The following SERPINC1 variants were observed in gnomAD, a reference collection of about 807,000 sequenced individuals.
The protein encoded by SERPINC1 is antithrombin-III.
SERPINC1 carries 12 observed loss-of-function variants against 43.4 expected under a neutral mutation model. The ratio of observed to expected loss-of-function variants is 0.28; its 90% CI spans 0.18 to 0.45. SERPINC1 has a LOEUF of 0.45. SERPINC1 is among the 20% of genes least tolerant of loss of function. The probability of loss-of-function intolerance (pLI) is 1.00; values close to 1 mark genes in which losing one functional copy is unlikely to be tolerated. For missense variants in SERPINC1, 423 were observed against 578.8 expected (o/e 0.73, Z 2.76); for synonymous variants, 210 against 218.9 (o/e 0.96, Z 0.36).
chr1:173,915,250 G>A (rs1657939378), intron 1 of SERPINC1: 9 of 1,140,948 alleles, frequency 7.9e-6, no homozygotes, highest in South Asian at 3.7e-5. Flanking sequence ...CTAAAAAATC[G>A]GCTTTAGTGC....
intron 6 of SERPINC1, 128 bp downstream of exon 6, chr1:173,907,322 G>T: frequency 1.3e-6 from 1 of 769,018 alleles, no homozygotes; most frequent in Non-Finnish European, 2.4e-6. Flanking sequence ...TTTGGAGAGG[G>T]CTGTATTATA....
chr1:173,905,725 A>C (rs1248099992), intron 6 of SERPINC1, among the ~76,000 whole-genome samples: 1 of 91,262 alleles, frequency 1.1e-5, no homozygotes, highest in African/African-American at 1.3e-4. Flanking sequence ...CATTTCAATG[A>C]AAAAAAAAAA....
chr1:173,915,403 C>T (rs764245853), intron 1 of SERPINC1, among the ~76,000 whole-genome samples: 7 of 152,042 alleles, frequency 4.6e-5, no homozygotes, highest in African/African-American at 7.2e-5. Context: ...TGGCCGGGTG[C>T]GGTGGCTCAC....
In SERPINC1 at chr1:173,909,589, A is replaced by G; in HGVS notation, c.1116T>C (p.Leu372=). ...SLKEQLQDMG[L]VDLFSPEKSK... ...ACTTTTCAGGGCTGAACAGATCGAC[A>G]AGGCCCATGTCTTGCAGCTGCTCCT... The change falls in exon 5 of 7, where the codon CTT becomes CTC. Residue 372 remains leucine (L), a synonymous_variant. Coordinates refer to ENST00000367698, the MANE Select transcript of SERPINC1 (RefSeq NM_000488.4). The G allele has an allele frequency of 3.1e-6, 5 of 1,614,040 alleles. No homozygotes were observed. The highest frequency in any genetic ancestry group is 2.5e-6 in the Non-Finnish European group (3 of 1,180,038).
intron 5 of SERPINC1, 61 bp downstream of exon 5, chr1:173,909,491 T>C: frequency 6.4e-7 from 1 of 1,567,800 alleles, no homozygotes. Flanking sequence ...CTCCAACTCT[T>C]CCACTTTTGG....
intron 5 of SERPINC1, among the ~76,000 whole-genome samples, chr1:173,907,917 G>T (rs182885119): frequency 2.6e-4 from 40 of 151,322 alleles, no homozygotes; most frequent in African/African-American, 8.5e-4. Context: ...GGAGGTGGAG[G>T]TTGCAGTGAG....
intron 6 of SERPINC1, among the ~76,000 whole-genome samples, 198 bp downstream of exon 6, chr1:173,907,252 G>A (rs537008679): frequency 1.2e-4 from 18 of 152,008 alleles, no homozygotes; most frequent in Non-Finnish European, 2.4e-4. Flanking sequence ...TTGTGTTCCC[G>A]CTTGACCTGC....
At chr1:173,913,585 G>C (rs777226568) in intron 2 of SERPINC1, among the ~76,000 whole-genome samples, 1 of 152,146 alleles carries the variant, frequency 6.6e-6, no homozygotes. Context: ...GGCCAGGCGC[G>C]GTGGCTTACG....
intron 2 of SERPINC1, among the ~76,000 whole-genome samples, chr1:173,913,414 C>T (rs1657852555): frequency 6.6e-6 from 1 of 152,218 alleles, no homozygotes; most frequent in South Asian, 2.1e-4. Context: ...ATCCATACTT[C>T]CCAGAGCCAG....
chr1:173,916,229 G>A (rs1408812509), intron 1 of SERPINC1, among the ~76,000 whole-genome samples: 2 of 152,204 alleles, frequency 1.3e-5, no homozygotes, highest in African/African-American at 4.8e-5. Flanking sequence ...GTGGGGCAGG[G>A]GCTGCCTCCA....
In SERPINC1 at chr1:173,903,872, C is replaced by G. The variant is rs766334816; in HGVS notation, c.*17G>C. On this transcript the variant is annotated 3_prime_UTR_variant, in exon 7 of 7. Transcript: ENST00000367698. ...CACAAACCAAAAATAGGAAGAGGTGCAAAGAATAAGAACATTTTACTTAAC... is the reference window on the plus strand; with the variant it reads ...CACAAACCAAAAATAGGAAGAGGTGGAAAGAATAAGAACATTTTACTTAAC... The G allele has an allele frequency of 3.1e-6, 5 of 1,611,848 alleles. No homozygotes were observed. Among genetic ancestry groups the G allele is most frequent in the Non-Finnish European group, 4.2e-6 (5 of 1,178,228 alleles).
chr1:173,912,256 T>C (rs531051269), intron 2 of SERPINC1, among the ~76,000 whole-genome samples: 21 of 152,248 alleles, frequency 1.4e-4, no homozygotes, highest in African/African-American at 5.1e-4. Context: ...CTAAAGTCTC[T>C]AAACGCCTCT....
intron 1 of SERPINC1, among the ~76,000 whole-genome samples, chr1:173,915,484 T>C (rs1233791256): frequency 1.3e-5 from 2 of 152,184 alleles, no homozygotes; most frequent in Admixed American, 6.5e-5. Context: ...GAGATCAGCC[T>C]GGACAACATG....
intron 6 of SERPINC1, among the ~76,000 whole-genome samples, chr1:173,905,050 A>G (rs1035358237): frequency 6.6e-6 from 1 of 152,056 alleles, no homozygotes; most frequent in African/African-American, 2.4e-5. Flanking sequence ...ATGAATCCAG[A>G]CCTCTGCTTC....
chr1:173,912,784 C>T (rs1290536867), intron 2 of SERPINC1, among the ~76,000 whole-genome samples: 3 of 152,084 alleles, frequency 2.0e-5, no homozygotes, highest in South Asian at 2.1e-4. Flanking sequence ...CAACACATGG[C>T]GTTTGTGTAG....
intron 5 of SERPINC1, among the ~76,000 whole-genome samples, chr1:173,908,681 C>T: frequency 6.6e-6 from 1 of 152,010 alleles, no homozygotes. Context: ...CCAGCTCTGC[C>T]TCCCAAGAAG....
Position 173,907,488 on chromosome 1 carries a change from G to T in SERPINC1, c.1180C>A (p.Leu394Ile). 1.2e-6 allele frequency: 2 copies of T among 1,613,924 alleles called. No individual in the cohort carries two copies. The highest frequency in any genetic ancestry group is 2.2e-5 in the South Asian group (2 of 91,076). ...TTATGGAATGCATCTGAGACATAGA[G>T]GTCATCTCGGCCTTCTGCAACAATA... Reference protein sequence around the residue: ...PGIVAEGRDDLYVSDAFHKAF... With the variant: ...PGIVAEGRDDIYVSDAFHKAF... Residue 394 changes from leucine (L) to isoleucine (I), a missense_variant, in exon 6 of 7, where the codon CTC (leucine) becomes ATC (isoleucine). Transcript: ENST00000367698.
chr1:173,914,468 G>A, intron 2 of SERPINC1, 85 bp downstream of exon 2: 1 of 1,507,346 alleles, frequency 6.6e-7, no homozygotes, highest in Non-Finnish European at 9.2e-7. Context: ...CTGCAGTGTT[G>A]GTTGAGGAAT....
At position 173,914,830 on chromosome 1, in the gene SERPINC1, G is replaced by A. The variant is rs1291914956; in HGVS notation, c.131C>T (p.Pro44Leu). 7.4e-6 allele frequency: 12 copies of A among 1,614,214 alleles called. No individual in the cohort carries two copies. The highest frequency in any genetic ancestry group is 2.2e-5 in the East Asian group (1 of 44,882). Residue 44 changes from proline to leucine, a missense_variant, in exon 2 of 7, where the codon CCG (proline) becomes CTG (leucine). Transcript: ENST00000367698. ...CATGGGATTCATGGGAATGTCCCGC[G>A]GCTTGGCTGTGCAGATGTCCACAGG... ...GSPVDICTAK[P>L]RDIPMNPMCI...
Sources: gnomAD v4.1 joint callset for allele counts (sites outside exome capture counted in the v4.1 genomes callset) on GRCh38, gnomAD v4.1.1 for gene constraint, MANE v1.5 for transcripts, NCBI Gene and HGNC (gene_info 2026-07-23, HGNC 2026-07-21) for gene names.